The following NRG1 variants were observed in gnomAD, a reference collection of about 807,000 sequenced individuals.
NRG1 encodes pro-neuregulin-1, membrane-bound isoform.
In NRG1, 18 loss-of-function variants were observed where a neutral mutation model predicts 63.8. The observed-to-expected ratio is 0.28, with a 90% CI of 0.19 to 0.42. The LOEUF (loss-of-function observed/expected upper bound fraction) is 0.42, where lower values mean the gene tolerates loss of function less well. Ranked by LOEUF, NRG1 falls within the 10% of genes least tolerant of loss-of-function variation. The probability of loss-of-function intolerance (pLI) is 1.00; values close to 1 mark genes in which losing one functional copy is unlikely to be tolerated. For synonymous variants in NRG1, 302 were observed against 301.3 expected, an observed-to-expected ratio of 1.00 and a Z score of -0.02; for missense variants, 762 against 814.7, an observed-to-expected ratio of 0.94 and a Z score of 0.79.
chr8:32,500,139 T>A (rs1212939564), intron 1 of NRG1, among the ~76,000 whole-genome samples: 1 of 152,184 alleles, frequency 6.6e-6, no homozygotes, highest in African/African-American at 2.4e-5. Context: ...CTTGGCCAGA[T>A]TATTTACATA....
At chr8:32,136,262 C>T (rs1272720861) in intron 1 of NRG1, among the ~76,000 whole-genome samples, 1 of 152,184 alleles carries the variant, frequency 6.6e-6, no homozygotes, top group Non-Finnish European at 1.5e-5. Context: ...CGCATGGTTC[C>T]TCTCCTATAA....
intron 1 of NRG1, among the ~76,000 whole-genome samples, chr8:32,310,751 C>T (rs1024031503): frequency 2.0e-5 from 3 of 152,198 alleles, no homozygotes; most frequent in Non-Finnish European, 4.4e-5. Flanking sequence ...TAAACCACTT[C>T]ACCTCATTTG....
At chr8:32,103,502 C>A (rs896133678) in intron 1 of NRG1, among the ~76,000 whole-genome samples, 2 of 152,192 alleles carry the variant, frequency 1.3e-5, no homozygotes, top group African/African-American at 4.8e-5. Flanking sequence ...CATGGATGTG[C>A]AGGTATCTCT....
intron 1 of NRG1, among the ~76,000 whole-genome samples, chr8:32,331,576 A>G (rs1802659163): frequency 6.6e-6 from 1 of 152,114 alleles, no homozygotes. Context: ...ACAATTTAAT[A>G]TGCATGAACA....
intron 1 of NRG1, among the ~76,000 whole-genome samples, chr8:32,294,852 T>G (rs1272367186): frequency 6.6e-6 from 1 of 152,138 alleles, no homozygotes; most frequent in African/African-American, 2.4e-5. Context: ...CTTGTGCTTG[T>G]TTTCAAAATA....
At chr8:31,679,697 A>G (rs965594238) in intron 1 of NRG1, among the ~76,000 whole-genome samples, 3 of 152,266 alleles carry the variant, frequency 2.0e-5, no homozygotes, top group African/African-American at 7.2e-5. Flanking sequence ...GCATTATTAT[A>G]TAGGAAATTC....
intron 1 of NRG1, among the ~76,000 whole-genome samples, chr8:32,169,326 C>G (rs1024793791): frequency 1.3e-5 from 2 of 152,148 alleles, no homozygotes; most frequent in African/African-American, 4.8e-5. Context: ...AACTAGTACT[C>G]TAATTCTACT....
intron 1 of NRG1, among the ~76,000 whole-genome samples, chr8:32,297,008 C>G (rs755435011): frequency 8.6e-5 from 13 of 151,690 alleles, no homozygotes; most frequent in Admixed American, 3.3e-4. Context: ...CCAACTACTC[C>G]GGAAGCTGAG....
chr8:32,614,680 T>A, intron 4 of NRG1, 116 bp downstream of exon 4: 1 of 909,822 alleles, frequency 1.1e-6, no homozygotes, highest in Non-Finnish European at 1.7e-6. Flanking sequence ...TGCTCTTGTT[T>A]TCTGCTTCAA....
chr8:32,760,393 C>T lies in NRG1; in HGVS notation c.1246C>T (p.Pro416Ser), dbSNP rs772524774. 27 of 1,613,768 alleles carry T rather than the reference C, an allele frequency of 1.7e-5. No homozygotes were observed. The East Asian group carries it at 5.8e-4, about 35-fold the overall frequency. Residue 416 changes from proline to serine, a missense_variant, in exon 11 of 12, where the codon CCT (proline) becomes TCT (serine). Around this residue, in one of 3 missense-constraint regions of NRG1, gnomAD observed 503 missense variants for 506.8 expected, o/e 0.99. Transcript: ENST00000356819. Reference sequence around the variant, plus strand: ...AACCCCTGATTCCTACCGAGACTCTCCTCATAGTGAAAGGTAAAACCGAAG... The same window carrying T: ...AACCCCTGATTCCTACCGAGACTCTTCTCATAGTGAAAGGTAAAACCGAAG...
chr8:32,257,236 T>A (rs941985782), intron 1 of NRG1, among the ~76,000 whole-genome samples: 1 of 152,124 alleles, frequency 6.6e-6, no homozygotes, highest in Non-Finnish European at 1.5e-5. Flanking sequence ...GTGGGTGGGA[T>A]CCGCTGAGCT....
chr8:31,957,384 T>C (rs768901185), intron 1 of NRG1, among the ~76,000 whole-genome samples: 1 of 152,180 alleles, frequency 6.6e-6, no homozygotes, highest in Non-Finnish European at 1.5e-5. Flanking sequence ...CTGGGCTATG[T>C]ATGAGTCCCA....
At chr8:31,911,449 C>T (rs952243084) in intron 1 of NRG1, among the ~76,000 whole-genome samples, 2 of 152,134 alleles carry the variant, frequency 1.3e-5, no homozygotes, top group Non-Finnish European at 2.9e-5. Flanking sequence ...ATGGATGGAG[C>T]TGGAGGCCAT....
At chr8:32,439,509 C>T (rs1382013021) in intron 1 of NRG1, among the ~76,000 whole-genome samples, 3 of 152,060 alleles carry the variant, frequency 2.0e-5, no homozygotes. Context: ...TTGTATGTCC[C>T]TTCACAAGCC....
chr8:32,537,533 T>G (rs1832132870), intron 1 of NRG1, among the ~76,000 whole-genome samples: 1 of 152,234 alleles, frequency 6.6e-6, no homozygotes, highest in Admixed American at 6.5e-5. Flanking sequence ...GCATGAAGCT[T>G]CTTTTAATAC....
chr8:31,728,389 C>T (rs1038247662), intron 1 of NRG1, among the ~76,000 whole-genome samples: 1 of 151,988 alleles, frequency 6.6e-6, no homozygotes, highest in Non-Finnish European at 1.5e-5. Flanking sequence ...GCTTGAACCC[C>T]GGAGGCAGAG....
At position 32,370,553 on chromosome 8, in the gene NRG1, A is replaced by G. The variant is rs866756623; in HGVS notation, c.38-225275A>G. 1.0e-3 allele frequency among the ~76,000 whole-genome samples: 154 copies of G among 152,150 alleles called. 1 individual carries two copies. The highest frequency in any genetic ancestry group is 3.5e-3 in the African/African-American group (146 of 41,526). On this transcript the variant is annotated intron_variant, in intron 1 of 10. Coordinates refer to the NRG1 transcript ENST00000519301. ...ATATACTACTTTCATTATTATTATTATCTTAATTAAAGCTGTCTTACGAGC... is the reference window on the plus strand; with the variant it reads ...ATATACTACTTTCATTATTATTATTGTCTTAATTAAAGCTGTCTTACGAGC...
At chr8:32,302,740 A>T (rs1336522766) in intron 1 of NRG1, among the ~76,000 whole-genome samples, 1 of 140,084 alleles carries the variant, frequency 7.1e-6, no homozygotes, top group Non-Finnish European at 1.6e-5. Context: ...TTATTGTGTG[A>T]TGTAACCATA....
intron 1 of NRG1, chr8:32,136,546 T>G (rs1164437566): frequency 6.6e-6 from 1 of 152,220 alleles, no homozygotes; most frequent in African/African-American, 2.4e-5. Flanking sequence ...TCTGTTGTTG[T>G]GGTGGCATAT....
Sources: gnomAD v4.1 joint callset for allele counts (sites outside exome capture counted in the v4.1 genomes callset) on GRCh38, gnomAD v4.1.1 for gene constraint, gnomAD v4.1.1 regional missense constraint, MANE v1.5 for transcripts, NCBI Gene and HGNC (gene_info 2026-07-23, HGNC 2026-07-21) for gene names.